The following ZNF385C variants were observed in gnomAD, a reference collection of about 807,000 sequenced individuals.
ZNF385C encodes the protein zinc finger protein 385C, also known as CTD-2132N18.2.
Under a neutral mutation model 35.4 loss-of-function variants are expected in ZNF385C, and 28 were observed. That is an observed-to-expected ratio of 0.79 (90% CI 0.59 to 1.08). ZNF385C has a LOEUF of 1.08. Ranked by LOEUF, ZNF385C falls within the 50% of genes least tolerant of loss-of-function variation. The pLI, the probability that ZNF385C is intolerant of heterozygous loss-of-function variation, is 0.00. For missense variants in ZNF385C, 605 were observed against 595.6 expected, an observed-to-expected ratio of 1.02 and a Z score of -0.16; for synonymous variants, 248 against 248.2, an observed-to-expected ratio of 1.00 and a Z score of 0.01.
At chr17:42,033,184 G>A (rs2052770338) in intron 4 of ZNF385C, among the ~76,000 whole-genome samples, 1 of 152,198 alleles carries the variant, frequency 6.6e-6, no homozygotes, top group Admixed American at 6.5e-5. Flanking sequence ...CTCCCTGGAT[G>A]CTATACCACA....
At chr17:42,086,701 CAA>C (rs1184011274) in intron 1 of ZNF385C, among the ~76,000 whole-genome samples, 1,894 of 66,676 alleles carry the variant, frequency 0.028, 19 homozygotes, top group African/African-American at 0.094. Flanking sequence ...GATTCCATCT[CAA>C]AAAAAAAAAA....
chr17:42,043,322 A>T, intron 2 of ZNF385C: 1 of 1,232,206 alleles, frequency 8.1e-7, no homozygotes, highest in Non-Finnish European at 1.0e-6. Context: ...TAACGCTTAC[A>T]CTTCTTGTTG....
In ZNF385C at chr17:42,091,433, G is replaced by A. The variant is rs560732305; in HGVS notation, c.-3+6977C>T. ...TGTACTCCAGCCTGGGTGGCAGAGCGAGACTTCATCTCAAACAAAAAAGAA... is the reference window on the plus strand; with the variant it reads ...TGTACTCCAGCCTGGGTGGCAGAGCAAGACTTCATCTCAAACAAAAAAGAA... On this transcript the variant is annotated intron_variant, in intron 1 of 8. Transcript: ENST00000692273. 1.8e-4 allele frequency among the ~76,000 whole-genome samples: 27 copies of A among 152,234 alleles called. No individual in the cohort carries two copies. In the South Asian group the frequency reaches 4.6e-3, roughly 26 times the overall value.
At chr17:42,027,439 C>T (rs2052612219) in intron 8 of ZNF385C, among the ~76,000 whole-genome samples, 179 bp downstream of exon 8, 1 of 151,998 alleles carries the variant, frequency 6.6e-6, no homozygotes, top group Admixed American at 6.6e-5. Flanking sequence ...TCCCAACCCA[C>T]CTCCCCGGAA....
At chr17:42,039,862 C>A in intron 2 of ZNF385C, 1 of 1,231,614 alleles carries the variant, frequency 8.1e-7, no homozygotes, top group Non-Finnish European at 1.0e-6. Flanking sequence ...CCCCCACCAC[C>A]GCAGCTCCCG....
At chr17:42,080,162 G>C (rs1338287374) in intron 1 of ZNF385C, among the ~76,000 whole-genome samples, 1 of 152,182 alleles carries the variant, frequency 6.6e-6, no homozygotes, top group Non-Finnish European at 1.5e-5. Context: ...AGCTGCAATT[G>C]CAGCATTCTA....
At chr17:42,057,499 C>CGTGTGTGTGTGTGTGTGTGTGT (rs202100946) in intron 2 of ZNF385C, among the ~76,000 whole-genome samples, 3 of 131,656 alleles carry the variant, frequency 2.3e-5, no homozygotes, top group Non-Finnish European at 4.8e-5. Context: ...TAGGGGTGTG[C>CGTGTGTGTGTGTGTGTGTGTGT]GCGCGCGCGC....
Position 42,037,894 on chromosome 17 carries a change from G to A in ZNF385C, c.251-9C>T. 2 of 1,534,060 alleles carry A rather than the reference G, an allele frequency of 1.3e-6. No homozygotes were observed. The highest frequency in any genetic ancestry group is 2.7e-5 in the African/African-American group (2 of 72,830). ...GCCGGAGGCCGGGCCTGCTGCAGGA[G>A]GAAGAAGGGCAGGGTCTGAAATGGG... On this transcript the variant is annotated splice_polypyrimidine_tract_variant and intron_variant, in intron 2 of 8. Transcript: ENST00000692273.
intron 6 of ZNF385C, chr17:42,028,562 G>A (rs2052651353): frequency 1.6e-6 from 1 of 634,998 alleles, no homozygotes; most frequent in African/African-American, 1.8e-5. Context: ...CAGAGATTTA[G>A]CGACCTTCAG....
At chr17:42,047,727 C>G (rs1345459448) in intron 2 of ZNF385C, among the ~76,000 whole-genome samples, 1 of 147,852 alleles carries the variant, frequency 6.8e-6, no homozygotes, top group South Asian at 2.2e-4. Context: ...GATCTCGGCT[C>G]ACTGCAACCT....
intron 2 of ZNF385C, chr17:42,040,003 C>G (rs1555655944): frequency 1.6e-6 from 2 of 1,230,906 alleles, no homozygotes; most frequent in African/African-American, 3.1e-5. Context: ...GCACAGGGCC[C>G]GCGGGCCGAG....
chr17:42,052,248 A>G (rs2143772293), intron 2 of ZNF385C, among the ~76,000 whole-genome samples: 1 of 152,300 alleles, frequency 6.6e-6, no homozygotes, highest in African/African-American at 2.4e-5. Context: ...CAGAAATCTT[A>G]TGAAATAACA....
At chr17:42,033,462 G>A (rs147999942) in intron 4 of ZNF385C, among the ~76,000 whole-genome samples, 4 of 152,254 alleles carry the variant, frequency 2.6e-5, no homozygotes, top group East Asian at 3.9e-4. Flanking sequence ...TTATAATAGC[G>A]CCTCTAGGCC....
At chr17:42,091,130 G>A (rs1292629321) in intron 1 of ZNF385C, among the ~76,000 whole-genome samples, 2 of 152,082 alleles carry the variant, frequency 1.3e-5, no homozygotes, top group Admixed American at 6.5e-5. Context: ...TTCAGTGGGA[G>A]AACAAAGAGA....
chr17:42,086,798 G>GT (rs2053813902), intron 1 of ZNF385C, among the ~76,000 whole-genome samples: 1 of 145,674 alleles, frequency 6.9e-6, no homozygotes, highest in Non-Finnish European at 1.5e-5. Flanking sequence ...TATTAGTTAT[G>GT]TTTTTTCCCA....
At chr17:42,078,192 C>T (rs113586170) in intron 1 of ZNF385C, among the ~76,000 whole-genome samples, 18 of 152,180 alleles carry the variant, frequency 1.2e-4, no homozygotes, top group South Asian at 1.0e-3. Context: ...GTTTCCCTGG[C>T]GGTGTATTGG....
intron 1 of ZNF385C, among the ~76,000 whole-genome samples, chr17:42,076,207 A>G (rs536706822): frequency 1.4e-4 from 21 of 152,242 alleles, no homozygotes; most frequent in African/African-American, 5.1e-4. Context: ...ACGCAGGCAA[A>G]ACACTGCCGT....
At chr17:42,039,733 T>C in intron 2 of ZNF385C, 2 of 1,232,410 alleles carry the variant, frequency 1.6e-6, no homozygotes. Flanking sequence ...CAGGAAGCCC[T>C]CTCCCCACCC....
chr17:42,055,762 C>A (rs868927278), intron 2 of ZNF385C, among the ~76,000 whole-genome samples: 2 of 152,080 alleles, frequency 1.3e-5, no homozygotes, highest in African/African-American at 4.8e-5. Flanking sequence ...GTGACTCAGG[C>A]GTGACTTGAG....
Sources: gnomAD v4.1 joint callset for allele counts (sites outside exome capture counted in the v4.1 genomes callset) on GRCh38, gnomAD v4.1.1 for gene constraint, MANE v1.5 for transcripts, NCBI Gene and HGNC (gene_info 2026-07-23, HGNC 2026-07-21) for gene names.